Variants in DHRS3 observed in about 807,000 individuals in gnomAD.
DHRS3 encodes dehydrogenase/reductase 3, also known as short-chain dehydrogenase/reductase 3.
DHRS3 carries 14 observed loss-of-function variants against 27.2 expected under a neutral mutation model. The ratio of observed to expected loss-of-function variants is 0.52; its 90% confidence interval spans 0.34 to 0.81. DHRS3 has a LOEUF of 0.81. Among genes scored for constraint, DHRS3 ranks in the 30% least tolerant of loss-of-function variants. DHRS3 has a pLI of 0.01. For synonymous variants in DHRS3, 165 were observed against 175.9 expected (o/e 0.94, Z 0.49); for missense variants, 322 against 406.2 (o/e 0.79, Z 1.78).
chr1:12,590,643 A>C (rs767625320), intron 1 of DHRS3, among the ~76,000 whole-genome samples: 1 of 144,816 alleles, frequency 6.9e-6, no homozygotes, highest in African/African-American at 2.5e-5. Context: ...CTCTGTCGCT[A>C]AAAAAAAAAA....
At chr1:12,579,505 T>C in intron 2 of DHRS3, 93 bp from the exon 3 acceptor site, 2 of 1,523,340 alleles carry the variant, frequency 1.3e-6, no homozygotes, top group Non-Finnish European at 1.8e-6. Context: ...AGATGGAGTC[T>C]CACTCTGTTG....
At chr1:12,573,381 A>C (rs1646556437) in intron 4 of DHRS3, among the ~76,000 whole-genome samples, 1 of 152,066 alleles carries the variant, frequency 6.6e-6, no homozygotes, top group Non-Finnish European at 1.5e-5. Context: ...GACCGCGTTC[A>C]CCCCACCTAG....
intron 1 of DHRS3, among the ~76,000 whole-genome samples, chr1:12,607,223 T>C (rs1050608191): frequency 2.0e-5 from 3 of 152,224 alleles, no homozygotes; most frequent in Admixed American, 1.3e-4. Context: ...GGCATCCACT[T>C]TACAGTCCTG....
In DHRS3 at chr1:12,574,926, G is replaced by T. The variant is rs1363523626; in HGVS notation, c.699-2073C>A. On this transcript the variant is annotated intron_variant, in intron 4 of 5. Coordinates refer to ENST00000616661, the MANE Select transcript of DHRS3 (RefSeq NM_004753.7). This position sits in a 1 kb window ranked among gnomAD's most constrained non-coding sequence, Gnocchi z 4.6. ...TCTCTGAGCCTCAGTTCCCTCATCT[G>T]TAAAATGGGAATAAAAGCTCTCTTC... Among the ~76,000 whole-genome samples the T allele has an allele frequency of 6.6e-6, 1 of 152,164 alleles. No individual in the cohort carries two copies. Among genetic ancestry groups the T allele is most frequent in the African/African-American group, 2.4e-5 (1 of 41,452 alleles).
In DHRS3 at chr1:12,609,069, A is replaced by T. The variant is rs186808394; in HGVS notation, c.195+8085T>A. ...TCTCCTTCATTCTAAGCACCAGCAC[A>T]ATTATCTGATTTTATTCAGAGGGGT... is the stretch of plus-strand genomic sequence containing the variant. On this transcript the variant is annotated intron_variant, in intron 1 of 5. Transcript: ENST00000616661. 2.6e-5 allele frequency among the ~76,000 whole-genome samples: 4 copies of T among 152,312 alleles called. No homozygotes were observed. In the East Asian group the frequency reaches 7.7e-4, roughly 29 times the overall value.
rs76406467 is a variant in DHRS3 at position 12,592,229 on chromosome 1, G to A, written c.196-11563C>T. On this transcript the variant is annotated intron_variant, in intron 1 of 5. Coordinates refer to ENST00000616661, the MANE Select transcript of DHRS3 (RefSeq NM_004753.7). The surrounding 1 kb of genome is among the most constrained non-coding windows in gnomAD (Gnocchi z 4.2). Reference sequence around the variant, plus strand: ...TTAGACTGAATCCTCTCGGCTGCCCGGATGTGGTACAGTCGGCTGATTAGT... The same window carrying A: ...TTAGACTGAATCCTCTCGGCTGCCCAGATGTGGTACAGTCGGCTGATTAGT... Among the ~76,000 whole-genome samples the A allele has an allele frequency of 1.8e-4, 27 of 152,292 alleles. No homozygotes were observed. The East Asian group carries it at 4.4e-3, about 25-fold the overall frequency.
intron 1 of DHRS3, among the ~76,000 whole-genome samples, chr1:12,600,828 C>T (rs140995541): frequency 0.018 from 2,801 of 152,268 alleles, 86 homozygotes; most frequent in African/African-American, 0.064. Flanking sequence ...CTCTATCTAT[C>T]GTCTAGAAAA....
chr1:12,600,387 C>T (rs888889315), intron 1 of DHRS3: 21 of 985,316 alleles, frequency 2.1e-5, no homozygotes, highest in Non-Finnish European at 2.4e-5. Context: ...CCTTAAGGAC[C>T]CCGTCTCCTC....
rs1366165480 is a variant in DHRS3 at position 12,586,395 on chromosome 1, C to G, written c.196-5729G>C. Among the ~76,000 whole-genome samples, 1 of 152,194 alleles carries G rather than the reference C, an allele frequency of 6.6e-6. No individual in the cohort carries two copies. Among genetic ancestry groups the G allele is most frequent in the East Asian group, 1.9e-4 (1 of 5,176 alleles). On this transcript the variant is annotated intron_variant, in intron 1 of 5. Coordinates refer to ENST00000616661, the MANE Select transcript of DHRS3 (RefSeq NM_004753.7). This position sits in a 1 kb window ranked among gnomAD's most constrained non-coding sequence, Gnocchi z 5.0. The stretch of plus-strand genomic sequence containing the variant: ...ACTCTCCTCACATGCAACCCCACGC[C>G]CCGCGTTCATCCCCACCCAGCCAGC...
intron 1 of DHRS3, among the ~76,000 whole-genome samples, chr1:12,590,459 C>A (rs1218571793): frequency 6.6e-6 from 1 of 151,920 alleles, no homozygotes; most frequent in Non-Finnish European, 1.5e-5. Context: ...TACAGGCATG[C>A]GCCACCACGC....
chr1:12,577,441 G>C (rs1037491926), intron 4 of DHRS3, among the ~76,000 whole-genome samples: 1 of 152,212 alleles, frequency 6.6e-6, no homozygotes, highest in African/African-American at 2.4e-5. Context: ...CACCACCCCA[G>C]GTGGCATGAG....
rs1182439968 is a variant in DHRS3 at position 12,578,728 on chromosome 1, T to C, written c.688A>G (p.Met230Val). 8.1e-6 allele frequency: 13 copies of C among 1,612,934 alleles called. 1 individual carries two copies. Among genetic ancestry groups the C allele is most frequent in the South Asian group, 3.3e-5 (3 of 91,062 alleles). ...CCCCTGCTCACTGACCTGACTCTCA[T>C]GCCCTGGAACATCTCGGTGCTGGTG... is the stretch of plus-strand genomic sequence containing the variant. ...FHTSTEMFQG[M>V]RVRFPNLFPP... Residue 230 changes from methionine to valine, a missense_variant, in exon 4 of 6, where the codon ATG becomes GTG. Coordinates refer to ENST00000616661, the MANE Select transcript of DHRS3 (RefSeq NM_004753.7). The surrounding 1 kb of genome is among the most constrained non-coding windows in gnomAD (Gnocchi z 4.5).
rs113408497 is a variant in DHRS3 at position 12,578,704 on chromosome 1, C to G, written c.698+14G>C. The G allele has an allele frequency of 6.2e-7, 1 of 1,604,788 alleles. No homozygotes were observed. Among genetic ancestry groups the G allele is most frequent in the Admixed American group, 1.7e-5 (1 of 59,892 alleles). The stretch of plus-strand genomic sequence containing the variant: ...GAGAAGGCTGGTCTCAAGGTGGGTC[C>G]CCTGCTCACTGACCTGACTCTCATG... On this transcript the variant is annotated intron_variant, in intron 4 of 5. Coordinates refer to ENST00000616661, the MANE Select transcript of DHRS3 (RefSeq NM_004753.7). The surrounding 1 kb of genome is among the most constrained non-coding windows in gnomAD (Gnocchi z 4.5).
chr1:12,583,565 C>T (rs1269732265), intron 1 of DHRS3, among the ~76,000 whole-genome samples: 1 of 149,710 alleles, frequency 6.7e-6, no homozygotes, highest in African/African-American at 2.5e-5. Flanking sequence ...ACCCATCCAT[C>T]CACCCATCCA....
Position 12,580,681 on chromosome 1 carries a change from TAAC to T in DHRS3, c.196-18_196-16del, listed in dbSNP as rs1359011966. 6.2e-7 allele frequency: 1 copy of T among 1,607,960 alleles called. No individual in the cohort carries two copies. Among genetic ancestry groups the T allele is most frequent in the African/African-American group, 1.3e-5 (1 of 74,816 alleles). ...CAGAGAACAATCTGGAAGAAGATAA[TAAC>T]AACGCAGAACAAATGGTCATTAAGC... On this transcript the variant is annotated splice_polypyrimidine_tract_variant and intron_variant, in intron 1 of 5. Transcript: ENST00000616661.
At chr1:12,600,526 GA>G in intron 1 of DHRS3, 1 of 368,836 alleles carries the variant, frequency 2.7e-6, no homozygotes, top group Non-Finnish European at 3.8e-6. Flanking sequence ...TGTCTGGCAG[GA>G]CTGCCTGCCT....
At chr1:12,575,963 T>C (rs1311937008) in intron 4 of DHRS3, among the ~76,000 whole-genome samples, 2 of 152,026 alleles carry the variant, frequency 1.3e-5, no homozygotes, top group African/African-American at 4.8e-5. Context: ...CGCCTTGGCC[T>C]CCCAAAGTGC....
At chr1:12,605,936 T>G (rs61776841) in intron 1 of DHRS3, among the ~76,000 whole-genome samples, 2 of 151,670 alleles carry the variant, frequency 1.3e-5, no homozygotes, top group Non-Finnish European at 2.9e-5. Context: ...GTCAAGAGAC[T>G]GAGATCATCC....
At chr1:12,589,044 C>T (rs1646723019) in intron 1 of DHRS3, among the ~76,000 whole-genome samples, 1 of 152,232 alleles carries the variant, frequency 6.6e-6, no homozygotes, top group Admixed American at 6.5e-5. Flanking sequence ...CAGCTCTCTG[C>T]TCCTGGCCCC....
Sources: allele counts gnomAD v4.1 joint callset (sites outside exome capture counted in the v4.1 genomes callset), GRCh38; gene constraint gnomAD v4.1.1; non-coding constraint Gnocchi (gnomAD v3.1); transcripts MANE v1.5; gene names NCBI Gene and HGNC (gene_info 2026-07-23, HGNC 2026-07-21).